The following MDGA2 variants were observed in gnomAD, a reference collection of about 807,000 sequenced individuals.
MDGA2 encodes MAM domain-containing glycosylphosphatidylinositol anchor protein 2.
Under a neutral mutation model 117.8 loss-of-function variants are expected in MDGA2, and 40 were observed. That is an observed-to-expected ratio of 0.34 (90% CI 0.26 to 0.44). The LOEUF (loss-of-function observed/expected upper bound fraction) is 0.44. MDGA2 is among the 20% of genes least tolerant of loss of function. The pLI, the probability that MDGA2 is intolerant of heterozygous loss-of-function variation, is 1.00. For missense variants in MDGA2, 1,123 were observed against 1,250.6 expected, an observed-to-expected ratio of 0.90 and a Z score of 1.54; for synonymous variants, 452 against 439.0, an observed-to-expected ratio of 1.03 and a Z score of -0.37.
chr14:47,557,645 T>A (rs1311008395), intron 1 of MDGA2, among the ~76,000 whole-genome samples: 5 of 152,188 alleles, frequency 3.3e-5, no homozygotes, highest in Admixed American at 2.0e-4. Flanking sequence ...TTATATTGCA[T>A]CAAACTAAAT....
chr14:47,413,534 G>A (rs1892415052), intron 1 of MDGA2, among the ~76,000 whole-genome samples: 1 of 152,102 alleles, frequency 6.6e-6, no homozygotes, highest in South Asian at 2.1e-4. Context: ...TAAATAATTG[G>A]AAAGAGTCAA....
At chr14:47,464,880 A>C (rs1893567736) in intron 1 of MDGA2, among the ~76,000 whole-genome samples, 1 of 152,050 alleles carries the variant, frequency 6.6e-6, no homozygotes, top group Admixed American at 6.6e-5. Context: ...CAAACAAAAC[A>C]AAACAAAACA....
At position 47,331,184 on chromosome 14, in the gene MDGA2, T is replaced by C. The variant is rs567098131; in HGVS notation, c.281-29634A>G. On this transcript the variant is annotated intron_variant, in intron 1 of 16. Coordinates refer to ENST00000399232, the MANE Select transcript of MDGA2 (RefSeq NM_001113498.3). ...ATTCATATATCTACATAAACATACA[T>C]AAATTCCCCAAAATATTGAAAAACA... Among the ~76,000 whole-genome samples the C allele has an allele frequency of 1.4e-3, 14 of 10,132 alleles. No homozygotes were observed. The East Asian group carries it at 0.47, about 338-fold the overall frequency. The allele number at this position is 10,132 out of a possible 152,430, so 6.6% of individuals were successfully genotyped here. A position where few individuals can be genotyped will look rare whatever the true frequency, so the allele number is the denominator to read the frequency against.
intron 1 of MDGA2, among the ~76,000 whole-genome samples, chr14:47,640,930 C>A (rs2138245338): frequency 6.6e-6 from 1 of 152,176 alleles, no homozygotes; most frequent in East Asian, 1.9e-4. Context: ...ATAGAGCTTA[C>A]TATGACTTGC....
chr14:47,622,411 A>C (rs1434688133), intron 1 of MDGA2, among the ~76,000 whole-genome samples: 1 of 152,228 alleles, frequency 6.6e-6, no homozygotes, highest in Non-Finnish European at 1.5e-5. Flanking sequence ...AATTATAAGG[A>C]TATGTGTCCT....
At chr14:47,531,190 A>G (rs1286458626) in intron 1 of MDGA2, among the ~76,000 whole-genome samples, 1 of 152,202 alleles carries the variant, frequency 6.6e-6, no homozygotes, top group Non-Finnish European at 1.5e-5. Context: ...GCTTGCAGTG[A>G]GCCAAGATCA....
intron 2 of MDGA2, among the ~76,000 whole-genome samples, chr14:47,274,645 T>C (rs1888254220): frequency 6.6e-6 from 1 of 152,148 alleles, no homozygotes; most frequent in South Asian, 2.1e-4. Context: ...TTTTGAGGAA[T>C]TCTCAAATAG....
chr14:47,211,055 A>T (rs1885864195), intron 3 of MDGA2, among the ~76,000 whole-genome samples: 1 of 152,200 alleles, frequency 6.6e-6, no homozygotes, highest in African/African-American at 2.4e-5. Flanking sequence ...GCAGATCATC[A>T]TTCATATGGT....
chr14:47,061,398 T>C lies in MDGA2; in HGVS notation c.1376A>G (p.Gln459Arg), dbSNP rs916355579. 9.9e-6 allele frequency: 16 copies of C among 1,613,552 alleles called. No homozygotes were observed. The highest frequency in any genetic ancestry group is 6.7e-5 in the Admixed American group (4 of 59,944). Residue 459 changes from glutamine (Q) to arginine (R), a missense_variant, in exon 7 of 17, where the codon CAG becomes CGG. Gln to Arg is a conservative substitution (Grantham distance 43, BLOSUM62 1). This residue lies in a region of MDGA2 where 890 missense variants were observed against 1,050.3 expected (regional missense o/e 0.85). Coordinates refer to ENST00000399232, the MANE Select transcript of MDGA2 (RefSeq NM_001113498.3). ...TCCCGGAGAGACATCAGGATCAGTC[T>C]GTGTAATGACCATCCGCTCAGAACT... Reference protein sequence around the residue: ...LRSSERMVITQTDPDVSPGTT... With the variant: ...LRSSERMVITRTDPDVSPGTT...
At chr14:47,575,388 C>A (rs1450870087) in intron 1 of MDGA2, among the ~76,000 whole-genome samples, 4 of 152,074 alleles carry the variant, frequency 2.6e-5, no homozygotes, top group African/African-American at 9.7e-5. Flanking sequence ...AGAAATGAGT[C>A]ACACATTAAT....
intron 2 of MDGA2, among the ~76,000 whole-genome samples, chr14:47,247,675 G>A (rs1031303883): frequency 6.9e-6 from 1 of 144,620 alleles, no homozygotes; most frequent in South Asian, 2.2e-4. Flanking sequence ...TAAGTTCTGG[G>A]ATACATGTGC....
At chr14:46,899,565 G>A (rs955142514) in intron 10 of MDGA2, among the ~76,000 whole-genome samples, 4 of 151,300 alleles carry the variant, frequency 2.6e-5, no homozygotes, top group Admixed American at 6.6e-5. Context: ...CAAGAATATG[G>A]GGCTCACAGA....
At chr14:47,364,526 C>T (rs747702939) in intron 1 of MDGA2, among the ~76,000 whole-genome samples, 4 of 152,192 alleles carry the variant, frequency 2.6e-5, no homozygotes, top group South Asian at 4.1e-4. Flanking sequence ...GGCCTCCCAA[C>T]GTGCTGGGAT....
chr14:47,363,927 T>C (rs934104156), intron 1 of MDGA2, among the ~76,000 whole-genome samples: 8 of 152,226 alleles, frequency 5.3e-5, no homozygotes, highest in Non-Finnish European at 1.0e-4. Context: ...GCTTTTACTT[T>C]GCATTTTAAA....
chr14:47,341,814 T>C (rs1163433487), intron 1 of MDGA2, among the ~76,000 whole-genome samples: 1 of 152,088 alleles, frequency 6.6e-6, no homozygotes, highest in Non-Finnish European at 1.5e-5. Context: ...GGAGAGGGTG[T>C]GCCTAGAACC....
intron 1 of MDGA2, chr14:47,343,360 C>A (rs528089037): frequency 8.9e-5 from 63 of 711,802 alleles, no homozygotes; most frequent in South Asian, 5.1e-4. Flanking sequence ...CAAAGGAGGA[C>A]AGAAAGTGGT....
At chr14:46,847,832 G>A (rs890274611) in intron 15 of MDGA2, among the ~76,000 whole-genome samples, 1 of 151,918 alleles carries the variant, frequency 6.6e-6, no homozygotes, top group African/African-American at 2.4e-5. Context: ...AAAGCACATT[G>A]TTCTTTAAAG....
At chr14:47,020,746 T>C (rs1324757651) in intron 8 of MDGA2, among the ~76,000 whole-genome samples, 8 of 152,192 alleles carry the variant, frequency 5.3e-5, no homozygotes, top group Non-Finnish European at 8.8e-5. Flanking sequence ...AAGATCAAAA[T>C]GGTCATTTCA....
intron 3 of MDGA2, among the ~76,000 whole-genome samples, chr14:47,198,425 A>T (rs1413415096): frequency 2.6e-5 from 4 of 152,036 alleles, no homozygotes; most frequent in Non-Finnish European, 5.9e-5. Flanking sequence ...ACAAAAAATT[A>T]ACCGGGCTTG....
Sources: allele counts gnomAD v4.1 joint callset (sites outside exome capture counted in the v4.1 genomes callset), GRCh38; gene constraint gnomAD v4.1.1; regional missense constraint gnomAD v4.1.1; transcripts MANE v1.5; gene names NCBI Gene and HGNC (gene_info 2026-07-23, HGNC 2026-07-21).